Variants in GAB2 observed in about 807,000 individuals in gnomAD.
GAB2 encodes GRB2 associated binding protein 2, also known as GRB2-associated-binding protein 2.
In GAB2, 26 loss-of-function variants were observed where a neutral mutation model predicts 65.5. The observed-to-expected ratio is 0.40, with a 90% CI of 0.29 to 0.55. The LOEUF (loss-of-function observed/expected upper bound fraction) is 0.55, where lower values mean the gene tolerates loss of function less well. Ranked by LOEUF, GAB2 falls within the 20% of genes least tolerant of loss-of-function variation. The probability of loss-of-function intolerance (pLI) is 0.53; values close to 1 mark genes in which losing one functional copy is unlikely to be tolerated. For missense variants in GAB2, 884 were observed against 875.8 expected (o/e 1.01, Z -0.12); for synonymous variants, 321 against 329.6 (o/e 0.97, Z 0.28).
At position 78,218,013 on chromosome 11, in the gene GAB2, C is replaced by T; in HGVS notation, c.*1259G>A. 6.5e-6 allele frequency: 1 copy of T among 152,974 alleles called. No individual in the cohort carries two copies. The highest frequency in any genetic ancestry group is 1.5e-5 in the Non-Finnish European group (1 of 68,400). 9.5% of individuals were successfully genotyped at this position (152,974 alleles called of 1,614,324 possible). On this transcript the variant is annotated 3_prime_UTR_variant, in exon 10 of 10. Coordinates refer to ENST00000361507, the MANE Select transcript of GAB2 (RefSeq NM_080491.3). ...CATGCACACCACTCTTGCACGTGTC[C>T]CTCCTTCACTTTCTGCTCCACCCTG...
intron 1 of GAB2, among the ~76,000 whole-genome samples, chr11:78,311,705 T>G (rs1855503025): frequency 6.6e-6 from 1 of 152,194 alleles, no homozygotes; most frequent in Non-Finnish European, 1.5e-5. Context: ...ATGCATTTGT[T>G]TATTCATTAA....
chr11:78,390,597 T>C (rs573733459), intron 1 of GAB2, among the ~76,000 whole-genome samples: 1 of 152,258 alleles, frequency 6.6e-6, no homozygotes, highest in South Asian at 2.1e-4. Context: ...GCTAAGAGAC[T>C]GGTGGACCTA....
chr11:78,227,178 T>G (rs1864694696), intron 3 of GAB2, 127 bp from the exon 4 acceptor site: 2 of 658,566 alleles, frequency 3.0e-6, no homozygotes, highest in Admixed American at 4.9e-5. Flanking sequence ...AAAAGCATAT[T>G]TTGAAGGTTG....
At position 78,346,700 on chromosome 11, in the gene GAB2, TA is replaced by T. The variant is rs1565168186; in HGVS notation, c.76-65800del. On this transcript the variant is annotated intron_variant, in intron 1 of 9. Transcript: ENST00000361507. Reference sequence around the variant, plus strand: ...ATATATATATATATATATATATATATATATATATATATATATATATAATTTT... The same window carrying T: ...ATATATATATATATATATATATATATTATATATATATATATATATAATTTT... Among the ~76,000 whole-genome samples, 16 of 94,986 alleles carry T rather than the reference TA, an allele frequency of 1.7e-4. 2 individuals are homozygous for T. The East Asian group carries it at 2.1e-3, about 12-fold the overall frequency. 62.3% of individuals were successfully genotyped at this position (94,986 alleles called of 152,430 possible).
At chr11:78,274,895 C>G (rs1029625754) in intron 2 of GAB2, among the ~76,000 whole-genome samples, 5 of 152,168 alleles carry the variant, frequency 3.3e-5, no homozygotes, top group African/African-American at 1.2e-4. Flanking sequence ...CATTATAATG[C>G]AAAGTCAGGC....
chr11:78,407,674 A>AG (rs1307632593), intron 1 of GAB2, among the ~76,000 whole-genome samples: 65 of 136,712 alleles, frequency 4.8e-4, no homozygotes, highest in African/African-American at 2.1e-3. Flanking sequence ...AGAAAGAAAG[A>AG]AAGAAAGAAA....
At chr11:78,344,349 G>A (rs1023220106) in intron 1 of GAB2, among the ~76,000 whole-genome samples, 3 of 151,716 alleles carry the variant, frequency 2.0e-5, no homozygotes, top group Non-Finnish European at 4.4e-5. Context: ...TCTTCAATCA[G>A]GAAAAAAATC....
chr11:78,291,586 T>TTTTTTTTTTTTTTC, intron 1 of GAB2, among the ~76,000 whole-genome samples: 1 of 130,582 alleles, frequency 7.7e-6, no homozygotes, highest in Non-Finnish European at 1.6e-5. Context: ...TTTTTTTTTT[T>TTTTTTTTTTTTTTC]TTTGCGACAG....
At chr11:78,404,222 A>C (rs1458931942) in intron 1 of GAB2, among the ~76,000 whole-genome samples, 2 of 152,202 alleles carry the variant, frequency 1.3e-5, no homozygotes, top group Non-Finnish European at 2.9e-5. Flanking sequence ...GAATGCATTT[A>C]AAAAATGTGG....
intron 1 of GAB2, among the ~76,000 whole-genome samples, chr11:78,285,584 G>A (rs73496760): frequency 0.036 from 5,429 of 152,250 alleles, 282 homozygotes; most frequent in African/African-American, 0.12. Context: ...TCCCGCCTCC[G>A]CCTCTCTTCA....
intron 1 of GAB2, among the ~76,000 whole-genome samples, chr11:78,400,562 A>G (rs1856955730): frequency 6.6e-6 from 1 of 152,202 alleles, no homozygotes; most frequent in Admixed American, 6.5e-5. Context: ...TAAAGTTACT[A>G]TATCTCATTG....
At chr11:78,347,291 T>A (rs1321176245) in intron 1 of GAB2, among the ~76,000 whole-genome samples, 1 of 152,164 alleles carries the variant, frequency 6.6e-6, no homozygotes, top group Non-Finnish European at 1.5e-5. Flanking sequence ...TTTGGAGATA[T>A]GAATGTCCTC....
chr11:78,309,926 ATG>A (rs60718900), intron 1 of GAB2, among the ~76,000 whole-genome samples: 3,783 of 135,544 alleles, frequency 0.028, 57 homozygotes, highest in East Asian at 0.042. Flanking sequence ...AGGGTTAGAA[ATG>A]TGTGTGTGTG....
chr11:78,284,212 G>T (rs1014397744), intron 1 of GAB2, among the ~76,000 whole-genome samples: 6 of 152,138 alleles, frequency 3.9e-5, no homozygotes, highest in African/African-American at 1.4e-4. Flanking sequence ...AGACAGTTCA[G>T]AATATATCAA....
intron 1 of GAB2, among the ~76,000 whole-genome samples, chr11:78,294,250 AT>A (rs564265889): frequency 6.6e-6 from 1 of 152,060 alleles, no homozygotes; most frequent in Non-Finnish European, 1.5e-5. Flanking sequence ...ACATGAACTC[AT>A]TTTTTATGGC....
At chr11:78,222,413 T>TATA (rs1864474591) in intron 6 of GAB2, among the ~76,000 whole-genome samples, 1 of 151,718 alleles carries the variant, frequency 6.6e-6, no homozygotes, top group Admixed American at 6.6e-5. Flanking sequence ...CTTTCTGCTG[T>TATA]ATCTATGGTA....
At chr11:78,291,579 T>C (rs1866682335) in intron 1 of GAB2, among the ~76,000 whole-genome samples, 1 of 124,064 alleles carries the variant, frequency 8.1e-6, no homozygotes, top group African/African-American at 3.2e-5. Context: ...TTTTTTTTTT[T>C]TTTTTTTTTT....
chr11:78,388,997 A>T (rs1856801385), intron 1 of GAB2, among the ~76,000 whole-genome samples: 1 of 152,146 alleles, frequency 6.6e-6, no homozygotes, highest in African/African-American at 2.4e-5. Flanking sequence ...AAGTCTAAGG[A>T]TGTCAATAGA....
At chr11:78,320,712 G>A (rs1855706033) in intron 1 of GAB2, among the ~76,000 whole-genome samples, 1 of 145,142 alleles carries the variant, frequency 6.9e-6, no homozygotes, top group African/African-American at 2.6e-5. Context: ...GACCACACCT[G>A]GATAATTTTT....
Sources: allele counts gnomAD v4.1 joint callset (sites outside exome capture counted in the v4.1 genomes callset), GRCh38; gene constraint gnomAD v4.1.1; transcripts MANE v1.5; gene names NCBI Gene and HGNC (gene_info 2026-07-23, HGNC 2026-07-21).